The following SORCS2 variants were observed in gnomAD, a reference collection of about 807,000 sequenced individuals.
SORCS2 encodes sortilin related VPS10 domain containing receptor 2.
In SORCS2, 100 loss-of-function variants were observed where a neutral mutation model predicts 141.6. The observed-to-expected ratio is 0.71, with a 90% confidence interval of 0.60 to 0.83. The LOEUF is 0.83. SORCS2 is among the 40% of genes least tolerant of loss of function. The pLI is 0.00. For missense variants in SORCS2, 1,646 were observed against 1,560.2 expected, an observed-to-expected ratio of 1.05 and a Z score of -0.93; for synonymous variants, 789 against 676.9, an observed-to-expected ratio of 1.17 and a Z score of -2.57.
intron 2 of SORCS2, among the ~76,000 whole-genome samples, chr4:7,498,625 G>A (rs1041118193): frequency 6.6e-6 from 1 of 152,208 alleles, no homozygotes; most frequent in Non-Finnish European, 1.5e-5. Context: ...TGGGCAGCAG[G>A]GGATCAGCAC....
intron 1 of SORCS2, among the ~76,000 whole-genome samples, chr4:7,320,647 G>T (rs900559175): frequency 3.3e-5 from 5 of 152,194 alleles, no homozygotes; most frequent in African/African-American, 1.2e-4. Flanking sequence ...GCAGGGCCCC[G>T]TGACTCTTTG....
At position 7,193,214 on chromosome 4, in the gene SORCS2, C is replaced by G; in HGVS notation, c.480+88C>G. Reference sequence around the variant, plus strand: ...GACCGCCACGGCCCCCACCCCAGATCCCCACTATGGTCATCAGGGGCGGGT... The same window carrying G: ...GACCGCCACGGCCCCCACCCCAGATGCCCACTATGGTCATCAGGGGCGGGT... On this transcript the variant is annotated intron_variant, in intron 1 of 26. Coordinates refer to ENST00000507866, the MANE Select transcript of SORCS2 (RefSeq NM_020777.3). The surrounding 1 kb of genome is among the most constrained non-coding windows in gnomAD (Gnocchi z 4.8). 7.4e-7 allele frequency: 1 copy of G among 1,353,898 alleles called. No homozygotes were observed. Among genetic ancestry groups the G allele is most frequent in the South Asian group, 1.8e-5 (1 of 56,544 alleles). The allele number at this position is 1,353,898 out of a possible 1,614,324, so 83.9% of individuals were successfully genotyped here. A position where few individuals can be genotyped will look rare whatever the true frequency, so the allele number is the denominator to read the frequency against.
chr4:7,466,270 T>G (rs1729609541), intron 2 of SORCS2, among the ~76,000 whole-genome samples: 1 of 152,132 alleles, frequency 6.6e-6, no homozygotes, highest in Admixed American at 6.5e-5. Context: ...GGCTCCTGCC[T>G]CCTTGTGGCT....
chr4:7,444,989 C>T (rs1046254126), intron 2 of SORCS2, among the ~76,000 whole-genome samples: 1 of 152,180 alleles, frequency 6.6e-6, no homozygotes, highest in Non-Finnish European at 1.5e-5. Flanking sequence ...GTTGCAACAC[C>T]CAGGTGGCCT....
intron 2 of SORCS2, 112 bp downstream of exon 2, chr4:7,396,467 A>G (rs9991834): frequency 0.37 from 397,192 of 1,083,200 alleles, 73,582 homozygotes; most frequent in Middle Eastern, 0.45. Context: ...CCTGTGAGTC[A>G]GTGGCCTCGC....
intron 15 of SORCS2, among the ~76,000 whole-genome samples, 158 bp downstream of exon 15, chr4:7,713,011 C>T (rs1725931847): frequency 6.6e-6 from 1 of 152,284 alleles, no homozygotes; most frequent in South Asian, 2.1e-4. Context: ...GTCCAGGCCT[C>T]CTGTGGGCTT....
intron 11 of SORCS2, among the ~76,000 whole-genome samples, chr4:7,692,048 A>G (rs952242056): frequency 1.3e-5 from 2 of 152,002 alleles, no homozygotes; most frequent in African/African-American, 2.4e-5. Context: ...ATCCACTTCT[A>G]TTCAGTCTTG....
At chr4:7,650,729 A>AGCCCCGCCCC (rs1491309498) in intron 4 of SORCS2, among the ~76,000 whole-genome samples, 1 of 31,048 alleles carries the variant, frequency 3.2e-5, no homozygotes, top group Non-Finnish European at 6.5e-5. Flanking sequence ...CGCCCCGCCC[A>AGCCCCGCCCC]GCCCAGCCCA....
intron 3 of SORCS2, among the ~76,000 whole-genome samples, chr4:7,634,736 A>G (rs1409254426): frequency 6.6e-6 from 1 of 151,978 alleles, no homozygotes; most frequent in Non-Finnish European, 1.5e-5. Flanking sequence ...GAGAAGAGTG[A>G]CTCCACCAGG....
chr4:7,289,732 G>T (rs542755664), intron 1 of SORCS2, among the ~76,000 whole-genome samples: 1 of 152,206 alleles, frequency 6.6e-6, no homozygotes, highest in African/African-American at 2.4e-5. Flanking sequence ...TATCAGCAGC[G>T]CTTCGAGGAT....
intron 18 of SORCS2, among the ~76,000 whole-genome samples, chr4:7,723,467 T>C (rs1726738015): frequency 6.6e-6 from 1 of 152,148 alleles, no homozygotes; most frequent in Non-Finnish European, 1.5e-5. Context: ...GAAATATCCC[T>C]TGGCCACAGC....
intron 2 of SORCS2, among the ~76,000 whole-genome samples, chr4:7,465,386 C>T (rs1729555311): frequency 6.6e-6 from 1 of 152,170 alleles, no homozygotes; most frequent in South Asian, 2.1e-4. Context: ...CGGGCTTTAT[C>T]CAAGCTGCTG....
intron 5 of SORCS2, 57 bp from the exon 6 acceptor site, chr4:7,661,443 T>TG (rs1722158220): frequency 6.5e-7 from 1 of 1,536,812 alleles, no homozygotes; most frequent in East Asian, 2.5e-5. Flanking sequence ...GGGGAGCAGC[T>TG]GGGGGACGGG....
At chr4:7,667,343 G>A (rs555489668) in intron 8 of SORCS2, 130 bp downstream of exon 8, 110 of 775,076 alleles carry the variant, frequency 1.4e-4, no homozygotes, top group Middle Eastern at 7.4e-4. Context: ...GTGTGGCCAC[G>A]CTTCGTCCAG....
intron 3 of SORCS2, among the ~76,000 whole-genome samples, chr4:7,550,985 G>A (rs4689779): frequency 0.79 from 119,699 of 152,168 alleles, 47,834 homozygotes; most frequent in East Asian, 0.91. Context: ...TTCAAAGCCA[G>A]GCTTGGTTTA....
chr4:7,322,151 G>C (rs1374178360), intron 1 of SORCS2, among the ~76,000 whole-genome samples: 1 of 152,176 alleles, frequency 6.6e-6, no homozygotes, highest in Admixed American at 6.5e-5. Context: ...TGCTTGACCA[G>C]AGGGGGCCGG....
At chr4:7,545,690 A>G (rs541620101) in intron 3 of SORCS2, among the ~76,000 whole-genome samples, 26 of 152,050 alleles carry the variant, frequency 1.7e-4, no homozygotes, top group South Asian at 1.0e-3. Flanking sequence ...GCAGACTCCA[A>G]TCTCACCCCA....
intron 3 of SORCS2, among the ~76,000 whole-genome samples, chr4:7,586,443 C>A (rs1284018911): frequency 2.0e-5 from 3 of 152,182 alleles, no homozygotes; most frequent in Non-Finnish European, 4.4e-5. Flanking sequence ...GTATTAAGCC[C>A]AGCATCCATA....
At chr4:7,534,780 C>T (rs1711971380) in intron 3 of SORCS2, among the ~76,000 whole-genome samples, 1 of 152,208 alleles carries the variant, frequency 6.6e-6, no homozygotes, top group South Asian at 2.1e-4. Context: ...AGGAACCAGC[C>T]CTGCCAACAC....
Sources: gnomAD v4.1 joint callset for allele counts (sites outside exome capture counted in the v4.1 genomes callset) on GRCh38, gnomAD v4.1.1 for gene constraint, Gnocchi (gnomAD v3.1) non-coding constraint, MANE v1.5 for transcripts, NCBI Gene and HGNC (gene_info 2026-07-23, HGNC 2026-07-21) for gene names.